WDPCP: variants seen among roughly 807,000 people sequenced by gnomAD.
WDPCP encodes WD repeat-containing and planar cell polarity effector protein fritz homolog.
In WDPCP, 71 loss-of-function variants were observed where a neutral mutation model predicts 93.1. The ratio of observed to expected loss-of-function variants is 0.76; its 90% CI spans 0.63 to 0.93. WDPCP has a LOEUF of 0.93. Among genes scored for constraint, WDPCP ranks in the 40% least tolerant of loss-of-function variants. The pLI is 0.00. For missense variants in WDPCP, 844 were observed against 887.4 expected (o/e 0.95, Z 0.62); for synonymous variants, 315 against 315.0 (o/e 1.00, Z 0.00).
At chr2:63,692,839 G>C (rs2103675590) in intron 2 of WDPCP, among the ~76,000 whole-genome samples, 1 of 152,196 alleles carries the variant, frequency 6.6e-6, no homozygotes. Flanking sequence ...CAGTTCCAGG[G>C]ATAATAAAAT....
At chr2:63,416,729 T>A (rs887955436) in intron 9 of WDPCP, among the ~76,000 whole-genome samples, 14 of 151,220 alleles carry the variant, frequency 9.3e-5, no homozygotes, top group Admixed American at 4.6e-4. Context: ...TCACCATGTT[T>A]GCCAGGCTGG....
At chr2:63,236,506 G>C (rs975775504) in intron 14 of WDPCP, among the ~76,000 whole-genome samples, 8 of 152,124 alleles carry the variant, frequency 5.3e-5, no homozygotes, top group Non-Finnish European at 1.0e-4. Context: ...TTTAAAAAGA[G>C]GCTGAATAGC....
At chr2:63,388,789 A>C (rs1238519707) in intron 10 of WDPCP, among the ~76,000 whole-genome samples, 2 of 152,198 alleles carry the variant, frequency 1.3e-5, no homozygotes, top group Non-Finnish European at 2.9e-5. Context: ...AAGTGGAAGA[A>C]AGGGTATTGG....
At chr2:63,693,480 TA>T (rs1668918907) in intron 2 of WDPCP, among the ~76,000 whole-genome samples, 1 of 149,492 alleles carries the variant, frequency 6.7e-6, no homozygotes, top group Non-Finnish European at 1.5e-5. Flanking sequence ...GATAGATAGA[TA>T]GATAGAATTT....
intron 13 of WDPCP, among the ~76,000 whole-genome samples, chr2:63,283,632 A>G (rs1683743749): frequency 6.6e-6 from 1 of 152,182 alleles, no homozygotes; most frequent in South Asian, 2.1e-4. Context: ...AAGTTTGCCA[A>G]CCTCTGTTCT....
intron 17 of WDPCP, among the ~76,000 whole-genome samples, chr2:63,142,670 G>A (rs186937294): frequency 1.2e-3 from 179 of 152,214 alleles, no homozygotes; most frequent in Non-Finnish European, 1.6e-3. Context: ...TAAATCCATT[G>A]TTTCTTTGTT....
At chr2:63,196,576 A>G (rs1675450212) in intron 14 of WDPCP, among the ~76,000 whole-genome samples, 1 of 152,212 alleles carries the variant, frequency 6.6e-6, no homozygotes, top group African/African-American at 2.4e-5. Context: ...ATTTAATGCC[A>G]GCAAAGGATG....
At chr2:63,142,558 G>A (rs1457244897) in intron 17 of WDPCP, among the ~76,000 whole-genome samples, 4 of 152,108 alleles carry the variant, frequency 2.6e-5, no homozygotes, top group African/African-American at 4.8e-5. Flanking sequence ...GGGCTATCAT[G>A]TGCTGTATCT....
At chr2:63,835,649 A>T in the WDPCP span, among the ~76,000 whole-genome samples, 3 of 151,792 alleles carry the variant, frequency 2.0e-5, no homozygotes, top group East Asian at 1.9e-4. Flanking sequence ...TAAATAAAAA[A>T]AATAATAAAA....
At position 63,438,051 on chromosome 2, in the gene WDPCP, T is replaced by C. The variant is rs186543293; in HGVS notation, c.500-497A>G. The stretch of plus-strand genomic sequence containing the variant: ...TTAGGGGTATACAAGCTGGATGAAA[T>C]AAAGCATATTATGACCAATATGTAC... On this transcript the variant is annotated intron_variant, in intron 7 of 17. Coordinates refer to ENST00000272321, the MANE Select transcript of WDPCP (RefSeq NM_015910.7). 8.2e-5 allele frequency: 101 copies of C among 1,230,660 alleles called. No homozygotes were observed. The East Asian group carries it at 2.9e-3, about 36-fold the overall frequency. 76.2% of individuals were successfully genotyped at this position (1,230,660 alleles called of 1,614,324 possible).
intron 13 of WDPCP, among the ~76,000 whole-genome samples, chr2:63,308,960 T>C (rs1463569268): frequency 6.6e-6 from 1 of 152,190 alleles, no homozygotes; most frequent in South Asian, 2.1e-4. Flanking sequence ...ATCATGTCCT[T>C]TGCAGCAACA....
At chr2:63,733,187 T>TATCTCACTGAAGCATAGCAGTGATGGGC (rs1558897505) in intron 2 of WDPCP, among the ~76,000 whole-genome samples, 3 of 139,952 alleles carry the variant, frequency 2.1e-5, no homozygotes, top group African/African-American at 5.4e-5. Flanking sequence ...TAAATGATTT[T>TATCTCACTGAAGCATAGCAGTGATGGGC]TTTTTTTTTT....
intron 14 of WDPCP, among the ~76,000 whole-genome samples, chr2:63,246,740 A>C (rs1680307712): frequency 6.6e-6 from 1 of 152,130 alleles, no homozygotes; most frequent in South Asian, 2.1e-4. Context: ...ATGTCAAGTG[A>C]GAGAAAAATG....
chr2:63,283,103 C>G (rs1280058362), intron 13 of WDPCP, among the ~76,000 whole-genome samples: 1 of 152,084 alleles, frequency 6.6e-6, no homozygotes, highest in Non-Finnish European at 1.5e-5. Context: ...GACTGTGTAT[C>G]AAATTTGTGG....
chr2:63,793,806 T>C (rs1016280436), intron 2 of WDPCP, among the ~76,000 whole-genome samples: 4 of 151,984 alleles, frequency 2.6e-5, no homozygotes, highest in African/African-American at 9.7e-5. Flanking sequence ...TCTATAAATA[T>C]TATTGACAAT....
At chr2:63,164,387 T>C (rs1413721111) in intron 15 of WDPCP, among the ~76,000 whole-genome samples, 1 of 152,166 alleles carries the variant, frequency 6.6e-6, no homozygotes, top group Non-Finnish European at 1.5e-5. Context: ...TTCTCATGAA[T>C]GGCTTAGCAC....
chr2:63,272,275 A>G (rs1476097441), intron 13 of WDPCP, among the ~76,000 whole-genome samples: 1 of 152,192 alleles, frequency 6.6e-6, no homozygotes, highest in Non-Finnish European at 1.5e-5. Flanking sequence ...TGACAACTAC[A>G]TGAGTATGCC....
chr2:63,482,997 T>C (rs1700359054), intron 6 of WDPCP, among the ~76,000 whole-genome samples: 1 of 151,930 alleles, frequency 6.6e-6, no homozygotes, highest in Admixed American at 6.6e-5. Context: ...AATGTAATAG[T>C]GAGGGACATT....
chr2:63,283,298 C>T (rs1202077886), intron 13 of WDPCP, among the ~76,000 whole-genome samples: 1 of 152,156 alleles, frequency 6.6e-6, no homozygotes, highest in African/African-American at 2.4e-5. Flanking sequence ...CTGCCTGAAG[C>T]CCCTTGCGTC....
Sources: allele counts gnomAD v4.1 joint callset (sites outside exome capture counted in the v4.1 genomes callset), GRCh38; gene constraint gnomAD v4.1.1; transcripts MANE v1.5; gene names NCBI Gene and HGNC (gene_info 2026-07-23, HGNC 2026-07-21).